RAB11FIP3: variants seen among roughly 807,000 people sequenced by gnomAD.
The protein encoded by RAB11FIP3 is RAB11 family interacting protein 3.
In RAB11FIP3, 17 loss-of-function variants were observed where a neutral mutation model predicts 77.8. The observed-to-expected ratio is 0.22, with a 90% CI of 0.15 to 0.33. RAB11FIP3 has a LOEUF of 0.33. RAB11FIP3 is among the 10% of genes least tolerant of loss of function. The probability of loss-of-function intolerance (pLI) is 1.00; values close to 1 mark genes in which losing one functional copy is unlikely to be tolerated. For synonymous variants in RAB11FIP3, 437 were observed against 448.2 expected (o/e 0.98, Z 0.31); for missense variants, 1,005 against 1,011.2 (o/e 0.99, Z 0.08).
chr16:465,431 G>GA (rs1434987180), intron 2 of RAB11FIP3, among the ~76,000 whole-genome samples: 1 of 152,156 alleles, frequency 6.6e-6, no homozygotes, highest in African/African-American at 2.4e-5. Context: ...TAGTTAAATT[G>GA]AATATTGATG....
intron 2 of RAB11FIP3, among the ~76,000 whole-genome samples, chr16:468,845 C>T (rs571297653): frequency 1.3e-5 from 2 of 152,256 alleles, no homozygotes; most frequent in South Asian, 4.1e-4. Context: ...GTATTTAGGT[C>T]CTACCAAGAA....
At chr16:443,715 G>A (rs1215376251) in intron 1 of RAB11FIP3, among the ~76,000 whole-genome samples, 2 of 152,050 alleles carry the variant, frequency 1.3e-5, no homozygotes. Flanking sequence ...ACAGGCGCCC[G>A]CTACCACGCC....
chr16:510,870 C>A, intron 9 of RAB11FIP3, 70 bp downstream of exon 9: 2 of 1,542,888 alleles, frequency 1.3e-6, no homozygotes, highest in South Asian at 1.2e-5. Flanking sequence ...CCCAACAGCC[C>A]GCCAGCCCCA....
intron 3 of RAB11FIP3, among the ~76,000 whole-genome samples, chr16:479,701 T>C (rs1210275212): frequency 6.6e-6 from 1 of 152,166 alleles, no homozygotes; most frequent in African/African-American, 2.4e-5. Flanking sequence ...GGCTGGTGGA[T>C]CACTTGAGCA....
chr16:455,838 G>A (rs1244620655), intron 1 of RAB11FIP3, among the ~76,000 whole-genome samples: 4 of 152,088 alleles, frequency 2.6e-5, no homozygotes, highest in African/African-American at 4.8e-5. Context: ...TGATCCATCC[G>A]CCTTGGCATT....
Position 460,529 on chromosome 16 carries a change from T to C in RAB11FIP3, c.715-875T>C, listed in dbSNP as rs1008255325. Among the ~76,000 whole-genome samples, 10 of 148,624 alleles carry C rather than the reference T, an allele frequency of 6.7e-5. No individual in the cohort carries two copies. The South Asian group carries it at 1.1e-3, about 17-fold the overall frequency. On this transcript the variant is annotated intron_variant, in intron 1 of 13. Coordinates refer to ENST00000262305, the MANE Select transcript of RAB11FIP3 (RefSeq NM_014700.4). ...CAATTTACACTTGGCAGAATAAACC[T>C]GCATTCTTTCTGAAGAGTTTCATTT...
chr16:487,562 G>A (rs73496220), intron 4 of RAB11FIP3, among the ~76,000 whole-genome samples: 13,432 of 152,212 alleles, frequency 0.088, 1,760 homozygotes, highest in African/African-American at 0.29. Context: ...CAGAGCGCGC[G>A]GTCCTCCTGA....
chr16:457,200 G>T (rs1428384426), intron 1 of RAB11FIP3, among the ~76,000 whole-genome samples: 1 of 152,152 alleles, frequency 6.6e-6, no homozygotes, highest in East Asian at 1.9e-4. Flanking sequence ...ATCCTGGGAG[G>T]AGTCTCTGGG....
At chr16:476,306 T>G (rs2055906842) in intron 3 of RAB11FIP3, among the ~76,000 whole-genome samples, 1 of 152,184 alleles carries the variant, frequency 6.6e-6, no homozygotes, top group Admixed American at 6.5e-5. Flanking sequence ...GAGAATTCTT[T>G]CCATCCCAAA....
chr16:477,574 C>T (rs1337704777), intron 3 of RAB11FIP3: 2 of 975,266 alleles, frequency 2.1e-6, no homozygotes, highest in African/African-American at 3.5e-5. Flanking sequence ...GCCTGGCGTC[C>T]CGCAGGCCCA....
intron 1 of RAB11FIP3, among the ~76,000 whole-genome samples, chr16:430,396 A>G (rs1192952223): frequency 6.6e-6 from 1 of 152,142 alleles, no homozygotes; most frequent in Non-Finnish European, 1.5e-5. Context: ...TTCTTTTCAG[A>G]GAATGTCCTT....
Position 426,436 on chromosome 16 carries a change from C to T in RAB11FIP3, c.430C>T (p.Arg144Cys), listed in dbSNP as rs1010044791. The T allele has an allele frequency of 5.7e-6, 9 of 1,585,100 alleles. No homozygotes were observed. The South Asian group carries it at 1.0e-4, about 18-fold the overall frequency. ...GAGCTGCCCGGAGAGCGCGCCTTTCCGCTTGCAGGGGTCCAGCAGCAGCCA... is the reference window on the plus strand; with the variant it reads ...GAGCTGCCCGGAGAGCGCGCCTTTCTGCTTGCAGGGGTCCAGCAGCAGCCA... ...PASCPESAPF[R>C]LQGSSSSHRA... Residue 144 changes from arginine to cysteine, a missense_variant, in exon 1 of 14, where the codon CGC becomes TGC. By Grantham distance (180) the Arg-to-Cys change is radical (BLOSUM62 -3). This residue lies in a region of RAB11FIP3 where 466 missense variants were observed against 408.3 expected (regional missense o/e 1.14). Transcript: ENST00000262305. The surrounding 1 kb of genome is among the most constrained non-coding windows in gnomAD (Gnocchi z 5.0).
At chr16:468,032 C>G (rs373478530) in intron 2 of RAB11FIP3, among the ~76,000 whole-genome samples, 3 of 35,624 alleles carry the variant, frequency 8.4e-5, no homozygotes, top group African/African-American at 1.9e-4. Context: ...GCAGGGAAGT[C>G]AGGGAGGAGG....
At chr16:442,001 G>T (rs1417356067) in intron 1 of RAB11FIP3, among the ~76,000 whole-genome samples, 2 of 152,182 alleles carry the variant, frequency 1.3e-5, no homozygotes, top group East Asian at 3.9e-4. Flanking sequence ...ACCACGCCTG[G>T]CTAATTTTTT....
intron 5 of RAB11FIP3, chr16:491,167 C>A: frequency 7.7e-7 from 1 of 1,303,988 alleles, no homozygotes; most frequent in African/African-American, 1.5e-5. Context: ...TGCACAGCAT[C>A]CTCACTGATG....
Position 510,764 on chromosome 16 carries a change from G to C in RAB11FIP3, c.1604G>C (p.Arg535Thr). 6.2e-7 allele frequency: 1 copy of C among 1,613,418 alleles called. No individual in the cohort carries two copies. Among genetic ancestry groups the C allele is most frequent in the Middle Eastern group, 1.7e-4 (1 of 6,058 alleles). ...AAGGAGCTCCTGTGCAAGATGGAGA[G>C]GGAGAAGAGCATTGAGATCGAGAAC... is the stretch of plus-strand genomic sequence containing the variant. ...RQKELLCKME[R>T]EKSIEIENLQ... The change falls in exon 9 of 14, where the codon AGG becomes ACG. Residue 535 changes from arginine to threonine, a missense_variant. Around this residue, in one of 4 missense-constraint regions of RAB11FIP3, gnomAD observed 433 missense variants for 436.1 expected, o/e 0.99. Coordinates refer to ENST00000262305, the MANE Select transcript of RAB11FIP3 (RefSeq NM_014700.4).
chr16:488,766 C>G, intron 4 of RAB11FIP3, 85 bp from the exon 5 acceptor site: 2 of 1,428,252 alleles, frequency 1.4e-6, no homozygotes, highest in Admixed American at 4.1e-5. Flanking sequence ...TTGTAGCACA[C>G]CCTATGGAAA....
At chr16:437,306 T>C (rs1596189075) in intron 1 of RAB11FIP3, among the ~76,000 whole-genome samples, 2 of 150,832 alleles carry the variant, frequency 1.3e-5, no homozygotes, top group Non-Finnish European at 3.0e-5. Context: ...TGGTGGCTCA[T>C]GCCTGTAATC....
chr16:491,916 A>G (rs1444365803), intron 5 of RAB11FIP3, among the ~76,000 whole-genome samples: 1 of 152,258 alleles, frequency 6.6e-6, no homozygotes, highest in Non-Finnish European at 1.5e-5. Context: ...GCCTAGCAGA[A>G]GAGGTGAGTG....
Sources: allele counts gnomAD v4.1 joint callset (sites outside exome capture counted in the v4.1 genomes callset), GRCh38; gene constraint gnomAD v4.1.1; regional missense constraint gnomAD v4.1.1; non-coding constraint Gnocchi (gnomAD v3.1); transcripts MANE v1.5; gene names NCBI Gene and HGNC (gene_info 2026-07-23, HGNC 2026-07-21).